WNK2: variants seen among roughly 807,000 people sequenced by gnomAD.
WNK2 encodes the protein serine/threonine-protein kinase WNK2.
A neutral mutation model predicts 192.1 loss-of-function variants in WNK2; 67 were observed. The ratio of observed to expected loss-of-function variants is 0.35; its 90% CI spans 0.29 to 0.43. The LOEUF (loss-of-function observed/expected upper bound fraction) is 0.43, where lower values mean the gene tolerates loss of function less well. Among genes scored for constraint, WNK2 ranks in the 20% least tolerant of loss-of-function variants. The pLI, the probability that WNK2 is intolerant of heterozygous loss-of-function variation, is 1.00. For synonymous variants in WNK2, 1,439 were observed against 1,393.9 expected, an observed-to-expected ratio of 1.03 and a Z score of -0.72; for missense variants, 2,698 against 3,089.7, an observed-to-expected ratio of 0.87 and a Z score of 3.01.
chr9:93,211,093 TTCACTCACTCATCCAC>T (rs1453876275), intron 2 of WNK2, among the ~76,000 whole-genome samples: 4 of 151,854 alleles, frequency 2.6e-5, no homozygotes, highest in Non-Finnish European at 2.9e-5. Context: ...CATTTACTCA[TTCACTCACTCATCCAC>T]TCACTCACTC....
At chr9:93,291,766 G>A (rs895763278) in intron 21 of WNK2, among the ~76,000 whole-genome samples, 47 of 152,214 alleles carry the variant, frequency 3.1e-4, no homozygotes, top group African/African-American at 4.1e-4. Flanking sequence ...CAGCTCAGGC[G>A]AGGCCCCCAT....
chr9:93,253,063 A>G lies in WNK2; in HGVS notation c.2015A>G (p.Tyr672Cys). The change falls in exon 9 of 30, where the codon TAC becomes TGC. Residue 672 changes from tyrosine (Y) to cysteine (C), a missense_variant. Around this residue, in one of 7 missense-constraint regions of WNK2, gnomAD observed 893 missense variants for 909.0 expected, o/e 0.98. Coordinates refer to ENST00000427277, the MANE Select transcript of WNK2 (RefSeq NM_006648.4). The stretch of plus-strand genomic sequence containing the variant: ...CAGAGCCTGCCCTCGCTGGGGGCCT[A>G]CCAGCAGCCCACGGCTGCAGTGAGT... The part of the protein sequence containing the change: ...LPQSLPSLGA[Y>C]QQPTAAPGLP... The G allele has an allele frequency of 6.7e-7, 1 of 1,495,044 alleles. No individual in the cohort carries two copies. The highest frequency in any genetic ancestry group is 8.9e-7 in the Non-Finnish European group (1 of 1,122,458). 92.6% of individuals were successfully genotyped at this position (1,495,044 alleles called of 1,614,324 possible).
At chr9:93,220,734 G>T (rs115270948) in intron 2 of WNK2, among the ~76,000 whole-genome samples, 3,240 of 152,270 alleles carry the variant, frequency 0.021, 129 homozygotes, top group African/African-American at 0.074. Flanking sequence ...TTCAGGTCCC[G>T]GGAGAGGCTT....
Position 93,281,469 on chromosome 9 carries a change from G to A in WNK2, c.4034-7319G>A, listed in dbSNP as rs538222031. Among the ~76,000 whole-genome samples the A allele has an allele frequency of 3.9e-5, 6 of 152,110 alleles. No homozygotes were observed. The South Asian group carries it at 6.2e-4, about 16-fold the overall frequency. On this transcript the variant is annotated intron_variant, in intron 19 of 29. Transcript: ENST00000427277. The stretch of plus-strand genomic sequence containing the variant: ...ATTGTACACTGCCAGAGAGAGAATC[G>A]GCAAGCTCTAAAGAAACTAAAGTAA...
Position 93,268,675 on chromosome 9 carries a change from A to AC in WNK2, c.3966dup (p.Ala1323ArgfsTer6). ...TTCATCATCTGTCCGGTGGCTGAGC[A>AC]CCCCGCCCCCGAGGCCCCTGAATCT... On this transcript the variant is annotated frameshift_variant, in exon 19 of 30. Coordinates refer to ENST00000427277, the MANE Select transcript of WNK2 (RefSeq NM_006648.4). LOFTEE classifies it high-confidence loss of function. 1 of 1,612,892 alleles carries AC rather than the reference A, an allele frequency of 6.2e-7. No homozygotes were observed. The highest frequency in any genetic ancestry group is 8.5e-7 in the Non-Finnish European group (1 of 1,179,644).
At chr9:93,298,734 A>G (rs1038844620) in intron 24 of WNK2, among the ~76,000 whole-genome samples, 1 of 152,236 alleles carries the variant, frequency 6.6e-6, no homozygotes, top group Admixed American at 6.5e-5. Context: ...ACAGCCATGA[A>G]TTATACCCAT....
chr9:93,216,662 C>T (rs549857960), intron 2 of WNK2, among the ~76,000 whole-genome samples: 83 of 151,812 alleles, frequency 5.5e-4, no homozygotes, highest in South Asian at 1.0e-3. Flanking sequence ...GGCGTGGTAG[C>T]GAGCACCTGT....
At chr9:93,299,411 G>A in intron 25 of WNK2, 150 bp downstream of exon 25, 4 of 805,226 alleles carry the variant, frequency 5.0e-6, no homozygotes, top group South Asian at 2.4e-5. Flanking sequence ...AAAAAAAAAA[G>A]GTGTAGTCTT....
At chr9:93,205,275 G>A (rs565585920) in intron 2 of WNK2, among the ~76,000 whole-genome samples, 4 of 152,326 alleles carry the variant, frequency 2.6e-5, no homozygotes, top group African/African-American at 9.6e-5. Flanking sequence ...GCATCTGTCA[G>A]CACAGATGTG....
In WNK2 at chr9:93,252,873, T is replaced by C. The variant is rs1588195336; in HGVS notation, c.1835-10T>C. 1 of 1,432,436 alleles carries C rather than the reference T, an allele frequency of 7.0e-7. No individual in the cohort carries two copies. The highest frequency in any genetic ancestry group is 2.8e-5 in the East Asian group (1 of 35,750). 88.7% of individuals were successfully genotyped at this position (1,432,436 alleles called of 1,614,324 possible). A position where few individuals can be genotyped will look rare whatever the true frequency, so the allele number is the denominator to read the frequency against. On this transcript the variant is annotated splice_polypyrimidine_tract_variant and intron_variant, in intron 8 of 29. Transcript: ENST00000427277. ...ATGTCCACTCTAAGTCCTGCTTTTG[T>C]CCTCCCCAGCGGACAGCACCTTCGA... is the stretch of plus-strand genomic sequence containing the variant.
At chr9:93,219,958 G>C (rs1428270675) in intron 2 of WNK2, among the ~76,000 whole-genome samples, 1 of 152,244 alleles carries the variant, frequency 6.6e-6, no homozygotes, top group Non-Finnish European at 1.5e-5. Context: ...CCTCCTGGCT[G>C]GGACATCACC....
At chr9:93,219,973 G>A (rs889365735) in intron 2 of WNK2, among the ~76,000 whole-genome samples, 2 of 152,238 alleles carry the variant, frequency 1.3e-5, no homozygotes, top group Non-Finnish European at 2.9e-5. Flanking sequence ...ATCACCTGGT[G>A]TTGGAGGCCT....
intron 2 of WNK2, 84 bp downstream of exon 2, chr9:93,185,694 G>T: frequency 6.7e-7 from 1 of 1,496,762 alleles, no homozygotes; most frequent in South Asian, 1.2e-5. Flanking sequence ...TCCTGCGCCT[G>T]GCCTTAAGAA....
At chr9:93,187,864 G>C (rs771463574) in intron 2 of WNK2, among the ~76,000 whole-genome samples, 10 of 152,118 alleles carry the variant, frequency 6.6e-5, no homozygotes, top group Non-Finnish European at 1.3e-4. Flanking sequence ...GAGATCAGGG[G>C]CTGTGGGAGG....
At chr9:93,233,295 CT>C in intron 4 of WNK2, among the ~76,000 whole-genome samples, 1 of 152,188 alleles carries the variant, frequency 6.6e-6, no homozygotes, top group Non-Finnish European at 1.5e-5. Context: ...CGTCAGGCCC[CT>C]CCACTCAGCT....
chr9:93,207,290 C>T (rs1306768409), intron 2 of WNK2, among the ~76,000 whole-genome samples: 1 of 152,190 alleles, frequency 6.6e-6, no homozygotes, highest in Non-Finnish European at 1.5e-5. Context: ...TACTCAGGCT[C>T]GGATAGCACT....
At chr9:93,189,051 C>T (rs1055264810) in intron 2 of WNK2, among the ~76,000 whole-genome samples, 7 of 152,140 alleles carry the variant, frequency 4.6e-5, no homozygotes, top group Non-Finnish European at 5.9e-5. Context: ...TTTGAGCTGG[C>T]GACAGGTCCC....
At chr9:93,238,394 G>GGAA in intron 6 of WNK2, 73 bp downstream of exon 6, 1 of 1,438,682 alleles carries the variant, frequency 7.0e-7, no homozygotes, top group Non-Finnish European at 9.7e-7. Flanking sequence ...ATTGAGAGCT[G>GGAA]TGTTCTTGAT....
At chr9:93,307,730 C>T (rs889679877) in intron 27 of WNK2, 1 of 152,522 alleles carries the variant, frequency 6.6e-6, no homozygotes, top group Non-Finnish European at 1.5e-5. Flanking sequence ...CTGGTCAGGA[C>T]AATTTCTATG....
Sources: gnomAD v4.1 joint callset for allele counts (sites outside exome capture counted in the v4.1 genomes callset) on GRCh38, gnomAD v4.1.1 for gene constraint, gnomAD v4.1.1 regional missense constraint, MANE v1.5 for transcripts, NCBI Gene and HGNC (gene_info 2026-07-23, HGNC 2026-07-21) for gene names.